EEPD1: variants seen among roughly 807,000 people sequenced by gnomAD.
EEPD1 encodes endonuclease/exonuclease/phosphatase family domain containing 1, also known as endonuclease/exonuclease/phosphatase family domain-containing protein 1.
A neutral mutation model predicts 46.3 loss-of-function variants in EEPD1; 17 were observed. The ratio of observed to expected loss-of-function variants is 0.37; its 90% CI spans 0.25 to 0.55. EEPD1 has a LOEUF of 0.55. EEPD1 is among the 20% of genes least tolerant of loss of function. The probability of loss-of-function intolerance (pLI) is 0.83; values close to 1 mark genes in which losing one functional copy is unlikely to be tolerated. For synonymous variants in EEPD1, 313 were observed against 315.6 expected (o/e 0.99, Z 0.09); for missense variants, 673 against 745.6 (o/e 0.90, Z 1.13).
At chr7:36,184,721 T>A (rs1833180) in intron 2 of EEPD1, among the ~76,000 whole-genome samples, 132,879 of 151,994 alleles carry the variant, frequency 0.87, 59,228 homozygotes, top group Non-Finnish European at 0.96. Context: ...AATATAAGGA[T>A]TTTTTTTTAA....
At chr7:36,158,789 A>G (rs1361079890) in intron 2 of EEPD1, among the ~76,000 whole-genome samples, 3 of 152,206 alleles carry the variant, frequency 2.0e-5, no homozygotes, top group African/African-American at 7.2e-5. Context: ...AAATTGGTTA[A>G]TATTTCATTT....
At chr7:36,286,405 A>T (rs1787342564) in intron 5 of EEPD1, among the ~76,000 whole-genome samples, 1 of 152,226 alleles carries the variant, frequency 6.6e-6, no homozygotes, top group South Asian at 2.1e-4. Flanking sequence ...TCCGTAAGAT[A>T]AGACGGGCAC....
rs192111361 is a variant in EEPD1, at chr7:36,287,309, C to T, written c.1177-330C>T. Reference sequence around the variant, plus strand: ...AGCCACCATGCCTGGCCTTCCACCTCCTTCTTATATAGGACTGCTTAGAAA... The same window carrying T: ...AGCCACCATGCCTGGCCTTCCACCTTCTTCTTATATAGGACTGCTTAGAAA... On this transcript the variant is annotated intron_variant, in intron 5 of 7. Coordinates refer to ENST00000242108, the MANE Select transcript of EEPD1 (RefSeq NM_030636.3). 1.2e-3 allele frequency among the ~76,000 whole-genome samples: 183 copies of T among 150,856 alleles called. 4 individuals are homozygous for T. The highest frequency in any genetic ancestry group is 7.8e-4 in the East Asian group (4 of 5,132).
At chr7:36,260,045 C>G (rs1446286641) in intron 3 of EEPD1, among the ~76,000 whole-genome samples, 1 of 152,008 alleles carries the variant, frequency 6.6e-6, no homozygotes, top group African/African-American at 2.4e-5. Context: ...TATTATAGGC[C>G]CAGCAATACA....
chr7:36,183,088 T>C (rs1182592026), intron 2 of EEPD1, among the ~76,000 whole-genome samples: 6 of 152,174 alleles, frequency 3.9e-5, no homozygotes, highest in South Asian at 2.1e-4. Context: ...GAGGGCGGCC[T>C]CATCCCTAAG....
chr7:36,295,742 A>G (rs1787512104), intron 6 of EEPD1, among the ~76,000 whole-genome samples: 1 of 152,172 alleles, frequency 6.6e-6, no homozygotes, highest in East Asian at 1.9e-4. Context: ...TTCTAAGAAC[A>G]GAAAGCTGCC....
At chr7:36,289,982 G>A (rs1206255839) in intron 6 of EEPD1, among the ~76,000 whole-genome samples, 2 of 152,144 alleles carry the variant, frequency 1.3e-5, no homozygotes, top group Non-Finnish European at 1.5e-5. Flanking sequence ...CGTGACCAAC[G>A]TTCTACTTTA....
At chr7:36,291,828 C>T (rs1446298016) in intron 6 of EEPD1, among the ~76,000 whole-genome samples, 1 of 152,208 alleles carries the variant, frequency 6.6e-6, no homozygotes. Context: ...GCAGAAATGC[C>T]ACCTCCTGCT....
chr7:36,259,730 G>T (rs1039928630), intron 3 of EEPD1, among the ~76,000 whole-genome samples: 1 of 152,064 alleles, frequency 6.6e-6, no homozygotes. Flanking sequence ...TGCCCAGGCT[G>T]GTCTCAAACT....
At chr7:36,174,545 T>G (rs1785146079) in intron 2 of EEPD1, among the ~76,000 whole-genome samples, 1 of 152,216 alleles carries the variant, frequency 6.6e-6, no homozygotes, top group African/African-American at 2.4e-5. Flanking sequence ...CAGGCCCTGG[T>G]CTCCGCCAGG....
At chr7:36,214,915 C>A (rs537092142) in intron 2 of EEPD1, among the ~76,000 whole-genome samples, 1 of 152,178 alleles carries the variant, frequency 6.6e-6, no homozygotes, top group Non-Finnish European at 1.5e-5. Context: ...TGCAGCCACT[C>A]GGTATTACGG....
chr7:36,161,069 A>G (rs1161241278), intron 2 of EEPD1, among the ~76,000 whole-genome samples: 1 of 152,136 alleles, frequency 6.6e-6, no homozygotes, highest in Non-Finnish European at 1.5e-5. Context: ...CCCTCAGCAG[A>G]TGGGGCATCT....
At chr7:36,294,386 G>T (rs1259330171) in intron 6 of EEPD1, among the ~76,000 whole-genome samples, 1 of 152,132 alleles carries the variant, frequency 6.6e-6, no homozygotes, top group Non-Finnish European at 1.5e-5. Flanking sequence ...TTACAATTTA[G>T]TTGAGAAAAA....
At chr7:36,163,095 G>A (rs1309490284) in intron 2 of EEPD1, among the ~76,000 whole-genome samples, 1 of 68,068 alleles carries the variant, frequency 1.5e-5, no homozygotes, top group Non-Finnish European at 3.4e-5. Flanking sequence ...AGCAAATTCA[G>A]TCTAATTTTT....
chr7:36,159,174 C>T (rs891389899), intron 2 of EEPD1, among the ~76,000 whole-genome samples: 8 of 152,242 alleles, frequency 5.3e-5, no homozygotes, highest in African/African-American at 1.4e-4. Context: ...TGAATGTCTG[C>T]TGTGTGCATA....
At chr7:36,155,261 C>A in intron 2 of EEPD1, 59 bp downstream of exon 2, 1 of 1,469,690 alleles carries the variant, frequency 6.8e-7, no homozygotes, top group South Asian at 1.5e-5. Context: ...GTGACCTCAT[C>A]TATGGATGCA....
chr7:36,251,480 T>C (rs1202875156), intron 3 of EEPD1, among the ~76,000 whole-genome samples: 3 of 152,188 alleles, frequency 2.0e-5, no homozygotes, highest in Non-Finnish European at 4.4e-5. Context: ...CTGCCTAATT[T>C]TGTATTTTTA....
At chr7:36,271,291 T>A (rs1787098604) in intron 3 of EEPD1, among the ~76,000 whole-genome samples, 1 of 152,180 alleles carries the variant, frequency 6.6e-6, no homozygotes, top group Non-Finnish European at 1.5e-5. Flanking sequence ...GACTTTTTAA[T>A]GATCGCCGTT....
intron 2 of EEPD1, among the ~76,000 whole-genome samples, chr7:36,207,984 C>G (rs1015958185): frequency 6.6e-6 from 1 of 150,382 alleles, no homozygotes; most frequent in Non-Finnish European, 1.5e-5. Context: ...AGAACAGAGA[C>G]AGTGCCAGTC....
Sources: gnomAD v4.1 joint callset for allele counts (sites outside exome capture counted in the v4.1 genomes callset) on GRCh38, gnomAD v4.1.1 for gene constraint, MANE v1.5 for transcripts, NCBI Gene and HGNC (gene_info 2026-07-23, HGNC 2026-07-21) for gene names.